COG5: variants seen among roughly 807,000 people sequenced by gnomAD.
COG5 encodes conserved oligomeric Golgi complex subunit 5.
A neutral mutation model predicts 110.4 loss-of-function variants in COG5; 86 were observed. The observed-to-expected ratio is 0.78, with a 90% CI of 0.65 to 0.93. The LOEUF is 0.93. COG5 is among the 40% of genes least tolerant of loss of function. The pLI is 0.00. For missense variants in COG5, 1,077 were observed against 987.0 expected (o/e 1.09, Z -1.22); for synonymous variants, 360 against 334.6 (o/e 1.08, Z -0.83).
chr7:107,451,148 A>G (rs932769429), intron 6 of COG5, among the ~76,000 whole-genome samples: 3 of 152,186 alleles, frequency 2.0e-5, no homozygotes, highest in Non-Finnish European at 4.4e-5. Context: ...GCCTGAATCA[A>G]TAAATTACTG....
chr7:107,454,673 C>T (rs776856806), intron 6 of COG5, among the ~76,000 whole-genome samples: 2 of 152,018 alleles, frequency 1.3e-5, no homozygotes, highest in Non-Finnish European at 2.9e-5. Flanking sequence ...TCTTCCCCAA[C>T]ATAAACCATA....
chr7:107,226,185 A>G (rs1464290851), intron 19 of COG5, among the ~76,000 whole-genome samples: 2 of 152,248 alleles, frequency 1.3e-5, no homozygotes, highest in Non-Finnish European at 2.9e-5. Context: ...ATGTCTGCAT[A>G]TATTTGATCC....
At chr7:107,320,522 A>G (rs1809166468) in intron 11 of COG5, among the ~76,000 whole-genome samples, 1 of 152,198 alleles carries the variant, frequency 6.6e-6, no homozygotes, top group Admixed American at 6.5e-5. Context: ...AGCAACACTA[A>G]GAGATCTCAA....
intron 10 of COG5, among the ~76,000 whole-genome samples, chr7:107,356,394 C>T (rs1812628218): frequency 6.6e-6 from 1 of 152,130 alleles, no homozygotes; most frequent in South Asian, 2.1e-4. Context: ...ATTTCAAGTA[C>T]AGACTACTGC....
chr7:107,210,045 G>A, intron 21 of COG5: 1 of 1,025,786 alleles, frequency 9.7e-7, no homozygotes, highest in Non-Finnish European at 1.2e-6. Context: ...GTATGTGAAT[G>A]CATTCATGGG....
At chr7:107,418,646 C>G (rs949997058) in intron 6 of COG5, among the ~76,000 whole-genome samples, 8 of 148,142 alleles carry the variant, frequency 5.4e-5, no homozygotes, top group African/African-American at 2.0e-4. Flanking sequence ...ATTAAAGAAA[C>G]CTTAGAGAAC....
chr7:107,395,319 T>TG (rs1790906486), intron 7 of COG5, among the ~76,000 whole-genome samples: 1 of 151,536 alleles, frequency 6.6e-6, no homozygotes, highest in African/African-American at 2.4e-5. Flanking sequence ...TAAAGGGTGG[T>TG]GGGAAGTAGA....
chr7:107,443,298 T>C (rs73417435), intron 6 of COG5, among the ~76,000 whole-genome samples: 6 of 152,078 alleles, frequency 3.9e-5, no homozygotes, highest in African/African-American at 1.4e-4. Flanking sequence ...ATATCCACAA[T>C]AGTCAAACCT....
intron 7 of COG5, among the ~76,000 whole-genome samples, chr7:107,408,296 T>C (rs1563015911): frequency 6.6e-6 from 1 of 152,228 alleles, no homozygotes; most frequent in African/African-American, 2.4e-5. Context: ...CTATTTACTA[T>C]CTGTCTCTTC....
intron 5 of COG5, among the ~76,000 whole-genome samples, chr7:107,531,444 T>A (rs1325078312): frequency 8.0e-6 from 1 of 125,626 alleles, no homozygotes; most frequent in Non-Finnish European, 1.9e-5. Flanking sequence ...AATAATCCAA[T>A]TCTGTCATTT....
intron 19 of COG5, among the ~76,000 whole-genome samples, chr7:107,224,275 A>G (rs1408722051): frequency 6.6e-6 from 1 of 152,194 alleles, no homozygotes; most frequent in Middle Eastern, 3.2e-3. Flanking sequence ...TCAGGCACAG[A>G]GGTTTGGAAT....
intron 7 of COG5, among the ~76,000 whole-genome samples, chr7:107,399,831 T>C (rs2129060270): frequency 6.6e-6 from 1 of 152,262 alleles, no homozygotes; most frequent in Middle Eastern, 3.4e-3. Context: ...ACATCAGTAG[T>C]TATTAAGAAA....
intron 6 of COG5, among the ~76,000 whole-genome samples, chr7:107,439,660 A>G (rs1563035833): frequency 6.6e-6 from 1 of 152,136 alleles, no homozygotes; most frequent in Non-Finnish European, 1.5e-5. Context: ...TATGTAAAAT[A>G]TAATTAATAG....
At chr7:107,326,895 A>G (rs892980763) in intron 10 of COG5, among the ~76,000 whole-genome samples, 10 of 152,204 alleles carry the variant, frequency 6.6e-5, no homozygotes, top group Non-Finnish European at 5.9e-5. Flanking sequence ...CATATTACAG[A>G]GCCAGGTGCA....
intron 3 of COG5, among the ~76,000 whole-genome samples, chr7:107,551,909 C>G (rs990945838): frequency 1.3e-5 from 2 of 152,210 alleles, no homozygotes; most frequent in Non-Finnish European, 2.9e-5. Context: ...AGCCACTGCA[C>G]CCTGGCCTAC....
chr7:107,316,424 G>C (rs1204336572), intron 11 of COG5, among the ~76,000 whole-genome samples: 1 of 151,940 alleles, frequency 6.6e-6, no homozygotes, highest in Non-Finnish European at 1.5e-5. Context: ...TGGAAGAAAG[G>C]TACAGGAAAA....
chr7:107,509,065 G>C (rs1799275258), intron 6 of COG5, among the ~76,000 whole-genome samples: 1 of 152,198 alleles, frequency 6.6e-6, no homozygotes, highest in Non-Finnish European at 1.5e-5. Flanking sequence ...TTGACGTGTT[G>C]AGAGAAGAAG....
rs75291767 is a variant in COG5 at position 107,451,946 on chromosome 7, T to C, written c.539-39314A>G. Among the ~76,000 whole-genome samples, 1,069 of 152,234 alleles carry C rather than the reference T, an allele frequency of 7.0e-3. 13 individuals carry two copies. Among genetic ancestry groups the C allele is most frequent in the Non-Finnish European group, 0.012 (818 of 67,990 alleles). ...TGACTGCATGGGGAGTCAGCAACCC[T>C]AGCCCCCACATTGTTCAAGGATTAA... On this transcript the variant is annotated intron_variant, in intron 6 of 21. Coordinates refer to ENST00000297135, the MANE Select transcript of COG5 (RefSeq NM_006348.5).
At chr7:107,346,864 C>G (rs1584708410) in intron 10 of COG5, among the ~76,000 whole-genome samples, 1 of 152,042 alleles carries the variant, frequency 6.6e-6, no homozygotes, top group Non-Finnish European at 1.5e-5. Context: ...CCCCCTACCC[C>G]ACAACATGCC....
Sources: gnomAD v4.1 joint callset for allele counts (sites outside exome capture counted in the v4.1 genomes callset) on GRCh38, gnomAD v4.1.1 for gene constraint, MANE v1.5 for transcripts, NCBI Gene and HGNC (gene_info 2026-07-23, HGNC 2026-07-21) for gene names.